Variants in AGBL1 observed in about 807,000 individuals in gnomAD.
The protein encoded by AGBL1 is AGBL carboxypeptidase 1.
In AGBL1, 130 loss-of-function variants were observed where a neutral mutation model predicts 118.9. The ratio of observed to expected loss-of-function variants is 1.09; its 90% confidence interval spans 0.95 to 1.26. AGBL1 has a LOEUF of 1.26. AGBL1 is among the 50% of genes most tolerant of loss of function. The probability of loss-of-function intolerance (pLI) is 0.00; values close to 1 mark genes in which losing one functional copy is unlikely to be tolerated. For synonymous variants in AGBL1, 555 were observed against 478.9 expected, an observed-to-expected ratio of 1.16 and a Z score of -2.08; for missense variants, 1,584 against 1,298.1, an observed-to-expected ratio of 1.22 and a Z score of -3.38.
chr15:87,011,907 A>T (rs560220249), intron 24 of AGBL1, among the ~76,000 whole-genome samples: 1 of 152,280 alleles, frequency 6.6e-6, no homozygotes, highest in African/African-American at 2.4e-5. Flanking sequence ...ATCTATAAAG[A>T]GTCATCAAAG....
At chr15:86,438,096 T>G (rs1313102707) in intron 18 of AGBL1, among the ~76,000 whole-genome samples, 1 of 151,970 alleles carries the variant, frequency 6.6e-6, no homozygotes, top group Non-Finnish European at 1.5e-5. Context: ...TTAGTAGAAA[T>G]GGGATTTCAC....
chr15:86,342,534 T>C (rs898321641), intron 17 of AGBL1, among the ~76,000 whole-genome samples: 1 of 152,198 alleles, frequency 6.6e-6, no homozygotes, highest in African/African-American at 2.4e-5. Context: ...CAAACTCTCA[T>C]GTGGATGCCT....
chr15:86,489,565 G>A (rs958380150), intron 18 of AGBL1, among the ~76,000 whole-genome samples: 18 of 152,086 alleles, frequency 1.2e-4, no homozygotes, highest in South Asian at 2.1e-4. Context: ...TCTGGCATTC[G>A]GGTCTATATC....
intron 18 of AGBL1, among the ~76,000 whole-genome samples, chr15:86,409,092 A>G (rs2081575745): frequency 6.6e-6 from 1 of 152,246 alleles, no homozygotes; most frequent in African/African-American, 2.4e-5. Context: ...CCTGCCTGGC[A>G]AATGCCTGTC....
chr15:86,874,631 C>G (rs2079779784), intron 22 of AGBL1, among the ~76,000 whole-genome samples: 1 of 152,072 alleles, frequency 6.6e-6, no homozygotes, highest in Non-Finnish European at 1.5e-5. Flanking sequence ...GAAAATCCCT[C>G]TATGTGGAGT....
At chr15:86,222,415 A>G (rs1567136791) in intron 5 of AGBL1, among the ~76,000 whole-genome samples, 1 of 152,122 alleles carries the variant, frequency 6.6e-6, no homozygotes, top group Admixed American at 6.5e-5. Context: ...ATTCCAGGCC[A>G]TCACTGACTC....
At chr15:86,970,124 A>T (rs771612378) in intron 23 of AGBL1, among the ~76,000 whole-genome samples, 12 of 151,862 alleles carry the variant, frequency 7.9e-5, no homozygotes, top group Admixed American at 7.9e-4. Flanking sequence ...CTGTCTTTCA[A>T]TTGCGGAGGA....
At chr15:86,657,202 A>G (rs929821881) in intron 21 of AGBL1, among the ~76,000 whole-genome samples, 4 of 152,122 alleles carry the variant, frequency 2.6e-5, no homozygotes, top group Non-Finnish European at 4.4e-5. Flanking sequence ...GAAATATTTC[A>G]TGAAGTGGGA....
intron 22 of AGBL1, among the ~76,000 whole-genome samples, chr15:86,783,047 A>T (rs1361234282): frequency 6.6e-6 from 1 of 152,222 alleles, no homozygotes; most frequent in African/African-American, 2.4e-5. Flanking sequence ...TGAGAAAAAC[A>T]GTTGCATCCC....
intron 18 of AGBL1, among the ~76,000 whole-genome samples, chr15:86,448,333 C>T (rs1271052128): frequency 1.3e-5 from 2 of 152,104 alleles, no homozygotes; most frequent in Non-Finnish European, 2.9e-5. Context: ...TGGGTAACTC[C>T]TGTGACAAAA....
At chr15:86,804,431 C>G (rs1376719858) in intron 22 of AGBL1, among the ~76,000 whole-genome samples, 1 of 152,086 alleles carries the variant, frequency 6.6e-6, no homozygotes, top group Non-Finnish European at 1.5e-5. Context: ...ATATTTTCTC[C>G]TTAGCTGGTT....
At chr15:86,952,222 C>T (rs1024206979) in intron 23 of AGBL1, among the ~76,000 whole-genome samples, 4 of 149,874 alleles carry the variant, frequency 2.7e-5, no homozygotes, top group Non-Finnish European at 4.4e-5. Flanking sequence ...GAGCAAAACT[C>T]TGTCTCAAAA....
chr15:86,753,886 TC>T (rs2077894719), intron 22 of AGBL1, among the ~76,000 whole-genome samples: 1 of 152,108 alleles, frequency 6.6e-6, no homozygotes, highest in Non-Finnish European at 1.5e-5. Flanking sequence ...CTTTTCAGGT[TC>T]CACTTGCTCT....
intron 5 of AGBL1, among the ~76,000 whole-genome samples, chr15:86,196,879 G>A (rs1011794138): frequency 0.04 from 4,717 of 116,978 alleles, 221 homozygotes; most frequent in East Asian, 0.18. Flanking sequence ...GCGCGCGCGC[G>A]CACACACACA....
At chr15:86,829,707 A>G (rs1480136353) in intron 22 of AGBL1, among the ~76,000 whole-genome samples, 5 of 152,192 alleles carry the variant, frequency 3.3e-5, no homozygotes, top group Admixed American at 3.3e-4. Context: ...AGAGACCAGC[A>G]GATTTGAGGG....
At chr15:86,301,641 GGTGTGTGTGT>G (rs60282415) in intron 17 of AGBL1, among the ~76,000 whole-genome samples, 31,532 of 137,144 alleles carry the variant, frequency 0.23, 3,812 homozygotes, top group Middle Eastern at 0.32. Context: ...TAATCTACAG[GGTGTGTGTGT>G]GTGTGTGTGT....
At chr15:86,903,912 T>G (rs2080245730) in intron 22 of AGBL1, among the ~76,000 whole-genome samples, 1 of 152,220 alleles carries the variant, frequency 6.6e-6, no homozygotes, top group South Asian at 2.1e-4. Context: ...CCACACAACC[T>G]CCACTGATAT....
At chr15:86,478,563 C>T (rs1476856769) in intron 18 of AGBL1, among the ~76,000 whole-genome samples, 6 of 152,156 alleles carry the variant, frequency 3.9e-5, no homozygotes, top group Non-Finnish European at 8.8e-5. Flanking sequence ...CTACAAACCA[C>T]TGCTCAACAA....
At chr15:86,811,827 T>G (rs2078794431) in intron 22 of AGBL1, among the ~76,000 whole-genome samples, 1 of 152,140 alleles carries the variant, frequency 6.6e-6, no homozygotes, top group South Asian at 2.1e-4. Flanking sequence ...TGGAAGGAGT[T>G]ATAAAAAAAC....
Sources: gnomAD v4.1 joint callset for allele counts (sites outside exome capture counted in the v4.1 genomes callset) on GRCh38, gnomAD v4.1.1 for gene constraint, MANE v1.5 for transcripts, NCBI Gene and HGNC (gene_info 2026-07-23, HGNC 2026-07-21) for gene names.